ANAPC10: variants seen among roughly 807,000 people sequenced by gnomAD.
ANAPC10 encodes anaphase-promoting complex subunit 10.
Under a neutral mutation model 22.0 loss-of-function variants are expected in ANAPC10, and 12 were observed. The observed-to-expected ratio is 0.55, with a 90% CI of 0.35 to 0.88. The LOEUF is 0.88. ANAPC10 is among the 40% of genes least tolerant of loss of function. The probability of loss-of-function intolerance (pLI) is 0.01; values close to 1 mark genes in which losing one functional copy is unlikely to be tolerated. For synonymous variants in ANAPC10, 65 were observed against 69.5 expected, an observed-to-expected ratio of 0.94 and a Z score of 0.32; for missense variants, 188 against 220.9, an observed-to-expected ratio of 0.85 and a Z score of 0.94.
At chr4:145,032,130 G>A (rs1456860023) in intron 4 of ANAPC10, among the ~76,000 whole-genome samples, 1 of 152,204 alleles carries the variant, frequency 6.6e-6, no homozygotes, top group East Asian at 1.9e-4. Context: ...GGCAGAGGAA[G>A]AGAAGACCAG....
intron 4 of ANAPC10, among the ~76,000 whole-genome samples, chr4:145,020,021 T>C (rs1735751603): frequency 6.6e-6 from 1 of 152,078 alleles, no homozygotes; most frequent in Non-Finnish European, 1.5e-5. Context: ...GAAGAATTGG[T>C]ACCGATCCTA....
chr4:145,008,696 A>G (rs1733812438), intron 4 of ANAPC10, among the ~76,000 whole-genome samples: 1 of 152,220 alleles, frequency 6.6e-6, no homozygotes. Context: ...TCTCAAAATA[A>G]TAAGAGCTAT....
intron 4 of ANAPC10, among the ~76,000 whole-genome samples, chr4:145,017,284 A>C (rs935966368): frequency 2.6e-5 from 4 of 152,214 alleles, no homozygotes; most frequent in Non-Finnish European, 2.9e-5. Flanking sequence ...AGAAAAAAAA[A>C]CAACCCCATC....
intron 4 of ANAPC10, among the ~76,000 whole-genome samples, chr4:145,016,254 T>C (rs1337851581): frequency 6.6e-6 from 1 of 152,184 alleles, no homozygotes. Flanking sequence ...CTTAAGCTAA[T>C]AAGCAACTTC....
At chr4:145,021,006 G>A (rs989186882) in intron 4 of ANAPC10, among the ~76,000 whole-genome samples, 4 of 151,676 alleles carry the variant, frequency 2.6e-5, no homozygotes, top group Non-Finnish European at 5.9e-5. Flanking sequence ...TCAAAATTGT[G>A]AAAATGACCA....
At chr4:145,002,571 G>A (rs947047199) in intron 4 of ANAPC10, among the ~76,000 whole-genome samples, 11 of 151,980 alleles carry the variant, frequency 7.2e-5, no homozygotes, top group African/African-American at 2.4e-5. Context: ...TAAAAAAGAC[G>A]CATAACAAAA....
At chr4:145,006,145 T>C (rs1733310991) in intron 4 of ANAPC10, among the ~76,000 whole-genome samples, 1 of 152,236 alleles carries the variant, frequency 6.6e-6, no homozygotes, top group Non-Finnish European at 1.5e-5. Context: ...CTGTGTTGAC[T>C]GCATATATAT....
intron 4 of ANAPC10, among the ~76,000 whole-genome samples, chr4:145,054,626 TGTGTGTGTGTGTGTGCGC>T (rs1741689629): frequency 7.8e-6 from 1 of 128,136 alleles, no homozygotes; most frequent in Non-Finnish European, 1.7e-5. Flanking sequence ...TGTGTGTGTG[TGTGTGTGTGTGTGTGCGC>T]GCGCGCGCGC....
At chr4:145,084,568 T>C (rs1450909444) in intron 2 of ANAPC10, among the ~76,000 whole-genome samples, 4 of 151,532 alleles carry the variant, frequency 2.6e-5, no homozygotes, top group South Asian at 2.1e-4. Flanking sequence ...ACATTAACAA[T>C]AGTTGATGAG....
At chr4:145,042,881 T>C (rs1438659954) in intron 4 of ANAPC10, among the ~76,000 whole-genome samples, 1 of 151,718 alleles carries the variant, frequency 6.6e-6, no homozygotes. Context: ...TATTTCTCTG[T>C]ACATCTTTAA....
chr4:145,089,206 C>CA (rs1747321074), intron 2 of ANAPC10, among the ~76,000 whole-genome samples: 1 of 152,098 alleles, frequency 6.6e-6, no homozygotes, highest in Non-Finnish European at 1.5e-5. Context: ...CCATAATTGT[C>CA]AGTTATAGCA....
chr4:145,023,528 G>A (rs971024839), intron 4 of ANAPC10, among the ~76,000 whole-genome samples: 5 of 152,236 alleles, frequency 3.3e-5, no homozygotes, highest in South Asian at 2.1e-4. Flanking sequence ...TTCTCTCGGG[G>A]AAGGCCCCTG....
chr4:145,095,685 CGA>C (rs975577061), intron 2 of ANAPC10, among the ~76,000 whole-genome samples: 1 of 152,092 alleles, frequency 6.6e-6, no homozygotes, highest in Non-Finnish European at 1.5e-5. Context: ...ATTTTGAGAG[CGA>C]GAGAGACCAC....
In ANAPC10 at chr4:145,060,495, T is replaced by TA. The variant is rs1236891453; in HGVS notation, c.327+4076dup. Reference sequence around the variant, plus strand: ...AGGCAGCTATATGCTTTTCTCAACTTAGACTATTTTTTAAGTTACTACTTC... The same window carrying TA: ...AGGCAGCTATATGCTTTTCTCAACTTAAGACTATTTTTTAAGTTACTACTTC... On this transcript the variant is annotated intron_variant, in intron 4 of 4. Transcript: ENST00000507656. Among the ~76,000 whole-genome samples, 6 of 152,104 alleles carry TA rather than the reference T, an allele frequency of 3.9e-5. No individual in the cohort carries two copies. In the East Asian group the frequency reaches 7.7e-4, roughly 20 times the overall value.
At chr4:145,092,362 A>G (rs1435927112) in intron 2 of ANAPC10, among the ~76,000 whole-genome samples, 3 of 152,068 alleles carry the variant, frequency 2.0e-5, no homozygotes, top group Non-Finnish European at 4.4e-5. Context: ...CATCCAAACA[A>G]CAGAAAAAGC....
At chr4:145,022,759 G>T (rs1426583304) in intron 4 of ANAPC10, among the ~76,000 whole-genome samples, 2 of 146,314 alleles carry the variant, frequency 1.4e-5, no homozygotes, top group African/African-American at 5.1e-5. Flanking sequence ...GAATTGTTGG[G>T]TCATAGGCAA....
At chr4:145,070,076 C>T (rs1273924573) in intron 3 of ANAPC10, among the ~76,000 whole-genome samples, 2 of 152,074 alleles carry the variant, frequency 1.3e-5, no homozygotes, top group African/African-American at 4.8e-5. Context: ...ATAAAGATTT[C>T]TGAAGTCCTC....
At chr4:145,000,788 C>A (rs957523048) in intron 4 of ANAPC10, among the ~76,000 whole-genome samples, 3 of 152,164 alleles carry the variant, frequency 2.0e-5, no homozygotes, top group Non-Finnish European at 4.4e-5. Context: ...AGACTTGGAA[C>A]CAACCCAACT....
At chr4:144,996,811 A>G (rs1358042323) in intron 4 of ANAPC10, among the ~76,000 whole-genome samples, 1 of 152,138 alleles carries the variant, frequency 6.6e-6, no homozygotes, top group African/African-American at 2.4e-5. Flanking sequence ...GGATATTCGA[A>G]CCCATCGCAA....
Sources: gnomAD v4.1 joint callset for allele counts (sites outside exome capture counted in the v4.1 genomes callset) on GRCh38, gnomAD v4.1.1 for gene constraint, MANE v1.5 for transcripts, NCBI Gene and HGNC (gene_info 2026-07-23, HGNC 2026-07-21) for gene names.